The following NOTCH4 variants were observed in gnomAD, a reference collection of about 807,000 sequenced individuals.
NOTCH4 encodes notch receptor 4.
NOTCH4 carries 138 observed loss-of-function variants against 189.0 expected under a neutral mutation model. That is an observed-to-expected ratio of 0.73 (90% CI 0.64 to 0.84). The LOEUF is 0.84. Ranked by LOEUF, NOTCH4 falls within the 40% of genes least tolerant of loss-of-function variation. The pLI, the probability that NOTCH4 is intolerant of heterozygous loss-of-function variation, is 0.00. For missense variants in NOTCH4, 2,286 were observed against 2,605.4 expected, an observed-to-expected ratio of 0.88 and a Z score of 2.67; for synonymous variants, 942 against 1,032.8, an observed-to-expected ratio of 0.91 and a Z score of 1.69.
chr6:32,223,166 C>A, intron 1 of NOTCH4, 80 bp from the exon 2 acceptor site: 2 of 1,049,378 alleles, frequency 1.9e-6, no homozygotes, highest in Non-Finnish European at 3.0e-6. Context: ...TCCTGAGAGA[C>A]CTGCCCACAG....
At position 32,220,121 on chromosome 6, in the gene NOTCH4, G is replaced by A; in HGVS notation, c.1315+8C>T. The A allele has an allele frequency of 1.2e-6, 2 of 1,612,878 alleles. No homozygotes were observed. Among genetic ancestry groups the A allele is most frequent in the Non-Finnish European group, 1.7e-6 (2 of 1,179,742 alleles). ...CTCAGAGAGGCTCTGAAGTGGGAGT[G>A]GCCTCACCCATCAGACACTCGTCCA... On this transcript the variant is annotated splice_region_variant and intron_variant, in intron 7 of 29. Coordinates refer to ENST00000375023, the MANE Select transcript of NOTCH4 (RefSeq NM_004557.4).
At chr6:32,209,951 G>A (rs1788914281) in intron 18 of NOTCH4, among the ~76,000 whole-genome samples, 2 of 151,814 alleles carry the variant, frequency 1.3e-5, no homozygotes, top group African/African-American at 2.4e-5. Context: ...TATGACTACC[G>A]TTTGTCAATA....
intron 5 of NOTCH4, 33 bp downstream of exon 5, chr6:32,220,723 A>G: frequency 6.2e-7 from 1 of 1,613,416 alleles, no homozygotes; most frequent in Non-Finnish European, 8.5e-7. Flanking sequence ...TCTCTGGGCC[A>G]TGGGTGTCAT....
Position 32,215,345 on chromosome 6 carries a change from G to C in NOTCH4, c.1902C>G (p.Cys634Trp). The C allele has an allele frequency of 6.2e-7, 1 of 1,610,754 alleles. No individual in the cohort carries two copies. The highest frequency in any genetic ancestry group is 8.5e-7 in the Non-Finnish European group (1 of 1,179,256). ...GGTCCTTACATATCTGCTTGGGCTG[G>C]CACAGGTTGGGAGCACACAGGGGAA... ...CEVPLCAPNL[C>W]QPKQICKDQK... Residue 634 changes from cysteine (C) to tryptophan (W), a missense_variant, in exon 12 of 30, where the codon TGC becomes TGG. By Grantham distance (215) the Cys-to-Trp change is radical. Transcript: ENST00000375023.
chr6:32,220,099 A>T (rs750977436), intron 7 of NOTCH4, 30 bp downstream of exon 7: 2 of 1,609,080 alleles, frequency 1.2e-6, no homozygotes, highest in East Asian at 2.2e-5. Flanking sequence ...TCTGAGGCTC[A>T]GAGAGGCTCT....
chr6:32,210,687 A>G lies in NOTCH4; in HGVS notation c.2865+65T>C. The G allele has an allele frequency of 6.7e-7, 1 of 1,499,746 alleles. No homozygotes were observed. The highest frequency in any genetic ancestry group is 9.2e-7 in the Non-Finnish European group (1 of 1,082,382). The allele number at this position is 1,499,746 out of a possible 1,614,324, so 92.9% of individuals were successfully genotyped here. A position where few individuals can be genotyped will look rare whatever the true frequency, so the allele number is the denominator to read the frequency against. ...GGATACATTGGGTCTTCCCTCAGTC[A>G]CTACTGTCTCTCCCATCCAGCCCAC... On this transcript the variant is annotated intron_variant, in intron 18 of 29. Transcript: ENST00000375023. This position sits in a 1 kb window ranked among gnomAD's most constrained non-coding sequence, Gnocchi z 4.8.
chr6:32,208,880 T>C (rs1582797476), intron 18 of NOTCH4, among the ~76,000 whole-genome samples: 1 of 152,220 alleles, frequency 6.6e-6, no homozygotes, highest in Non-Finnish European at 1.5e-5. Context: ...AAAATAGATC[T>C]ACCATGTGAT....
intron 7 of NOTCH4, 141 bp downstream of exon 7, chr6:32,219,988 A>G (rs1789647855): frequency 1.0e-6 from 1 of 1,002,538 alleles, no homozygotes; most frequent in Non-Finnish European, 1.5e-6. Context: ...AGGGTCATGT[A>G]GGCAAGAGAT....
intron 17 of NOTCH4, among the ~76,000 whole-genome samples, chr6:32,211,606 T>TAAA (rs1034993603): frequency 1.5e-5 from 2 of 132,004 alleles, no homozygotes; most frequent in African/African-American, 5.9e-5. Flanking sequence ...AATAAATAAA[T>TAAA]AAATAAATAA....
chr6:32,202,137 G>A lies in NOTCH4; in HGVS notation c.3694C>T (p.Gln1232Ter), dbSNP rs1345231909. The stretch of plus-strand genomic sequence containing the variant: ...AACAGACACTCTTCAGAGTCACACT[G>A]TGGGTGGCACTGCCCGTCCCGGAAG... ...LLFRDGQCHP[Q>*]CDSEECLFDG... is the part of the protein sequence containing the mutation. Residue 1232 changes from glutamine to a stop codon, truncating the protein, a stop_gained, in exon 21 of 30, where the codon CAG becomes TAG. Coordinates refer to ENST00000375023, the MANE Select transcript of NOTCH4 (RefSeq NM_004557.4). LOFTEE classifies it high-confidence loss of function. The surrounding 1 kb of genome is among the most constrained non-coding windows in gnomAD (Gnocchi z 5.7). 2 of 1,513,756 alleles carry A rather than the reference G, an allele frequency of 1.3e-6. No individual in the cohort carries two copies. The highest frequency in any genetic ancestry group is 2.3e-5 in the Admixed American group (1 of 44,344). 93.8% of individuals were successfully genotyped at this position (1,513,756 alleles called of 1,614,324 possible). A position where few individuals can be genotyped will look rare whatever the true frequency, so the allele number is the denominator to read the frequency against.
In NOTCH4 at chr6:32,212,652, G is replaced by T. The variant is rs762035628; in HGVS notation, c.2527-25C>A. 6.3e-7 allele frequency: 1 copy of T among 1,593,616 alleles called. No individual in the cohort carries two copies. The highest frequency in any genetic ancestry group is 1.7e-5 in the Admixed American group (1 of 58,252). On this transcript the variant is annotated intron_variant, in intron 16 of 29. Transcript: ENST00000375023. This position sits in a 1 kb window ranked among gnomAD's most constrained non-coding sequence, Gnocchi z 4.4. ...TCTGAGGGGTGGGAGGGAGCGTGAGGCAGGACATAGCATCAGATTCTCAGC... is the reference window on the plus strand; with the variant it reads ...TCTGAGGGGTGGGAGGGAGCGTGAGTCAGGACATAGCATCAGATTCTCAGC...
intron 7 of NOTCH4, 70 bp downstream of exon 7, chr6:32,220,059 G>C: frequency 6.6e-7 from 1 of 1,503,852 alleles, no homozygotes; most frequent in Non-Finnish European, 9.1e-7. Context: ...AAAGCAATCT[G>C]CCCTTTTCTG....
At position 32,221,396 on chromosome 6, in the gene NOTCH4, C is replaced by T; in HGVS notation, c.452-71G>A. ...CTAGCCCATCTGAGGTTACCCAGTGCTCACTCTGGATTATCTCTGGGTCTC... is the reference window on the plus strand; with the variant it reads ...CTAGCCCATCTGAGGTTACCCAGTGTTCACTCTGGATTATCTCTGGGTCTC... On this transcript the variant is annotated intron_variant, in intron 3 of 29. Transcript: ENST00000375023. The surrounding 1 kb of genome is among the most constrained non-coding windows in gnomAD (Gnocchi z 4.3). 1 of 1,120,958 alleles carries T rather than the reference C, an allele frequency of 8.9e-7. No individual in the cohort carries two copies. The highest frequency in any genetic ancestry group is 1.5e-5 in the African/African-American group (1 of 64,688). 69.4% of individuals were successfully genotyped at this position (1,120,958 alleles called of 1,614,324 possible).
At position 32,203,892 on chromosome 6, in the gene NOTCH4, TG is replaced by T. The variant is rs1417137062; in HGVS notation, c.3119-11del. The T allele has an allele frequency of 1.9e-6, 3 of 1,549,464 alleles. No individual in the cohort carries two copies. The highest frequency in any genetic ancestry group is 2.6e-6 in the Non-Finnish European group (3 of 1,145,584). ...ACCTCACACCACTGGCCTGTAATTA[TG>T]GGGGAGATTAGATGTCACACACTGC... is the stretch of plus-strand genomic sequence containing the variant. On this transcript the variant is annotated splice_polypyrimidine_tract_variant and intron_variant, in intron 19 of 29. Transcript: ENST00000375023.
rs2127488916 is a variant in NOTCH4 at position 32,221,102 on chromosome 6, C to T, written c.675G>A (p.Gly225=). The change falls in exon 4 of 30, where the codon GGG becomes GGA. Residue 225 remains glycine, a synonymous_variant. Transcript: ENST00000375023. This position sits in a 1 kb window ranked among gnomAD's most constrained non-coding sequence, Gnocchi z 4.3. ...LGSFQCLCPV[G]QEGPRCELRA... is the part of the protein sequence containing the mutation. ...GCAGCTCACAACGTGGACCCTCCTG[C>T]CCCACAGGGCAGAGGCACTGGAAGG... 1 of 1,613,056 alleles carries T rather than the reference C, an allele frequency of 6.2e-7. No individual in the cohort carries two copies. The highest frequency in any genetic ancestry group is 8.5e-7 in the Non-Finnish European group (1 of 1,180,002).
rs372158970 is a variant in NOTCH4 at position 32,204,845 on chromosome 6, T to A, written c.2866-456A>T. Among the ~76,000 whole-genome samples the A allele has an allele frequency of 3.3e-5, 5 of 152,238 alleles. No homozygotes were observed. In the East Asian group the frequency reaches 5.8e-4, roughly 18 times the overall value. On this transcript the variant is annotated intron_variant, in intron 18 of 29. Transcript: ENST00000375023. The stretch of plus-strand genomic sequence containing the variant: ...AAAGAAATGACTAGCATTTATTGCA[T>A]GATTTATATACATAACCTAAAAATC...
rs371368682 is a variant in NOTCH4 at position 32,201,019 on chromosome 6, C to T, written c.4140-13G>A. Reference sequence around the variant, plus strand: ...GACCACCACAAACCTGTAGAGGAGGCACCTCAGAGACCTCTGTATTGGTCC... The same window carrying T: ...GACCACCACAAACCTGTAGAGGAGGTACCTCAGAGACCTCTGTATTGGTCC... On this transcript the variant is annotated splice_polypyrimidine_tract_variant and intron_variant, in intron 22 of 29. Transcript: ENST00000375023. This position sits in a 1 kb window ranked among gnomAD's most constrained non-coding sequence, Gnocchi z 5.5. 5.1e-6 allele frequency: 8 copies of T among 1,554,888 alleles called. No homozygotes were observed. In the African/African-American group the frequency reaches 1.1e-4, roughly 21 times the overall value.
chr6:32,201,086 G>A lies in NOTCH4; in HGVS notation c.4139+31C>T. The A allele has an allele frequency of 2.5e-6, 4 of 1,586,658 alleles. No individual in the cohort carries two copies. Among genetic ancestry groups the A allele is most frequent in the Non-Finnish European group, 3.4e-6 (4 of 1,166,472 alleles). On this transcript the variant is annotated intron_variant, in intron 22 of 29. Coordinates refer to ENST00000375023, the MANE Select transcript of NOTCH4 (RefSeq NM_004557.4). The surrounding 1 kb of genome is among the most constrained non-coding windows in gnomAD (Gnocchi z 5.5). ...CCTCTGCCCTCTTAAAAAAACTGGT[G>A]TCTGGCCCTTCCCTCCACCTAGCTT...
At chr6:32,223,790 C>T in intron 1 of NOTCH4, 66 bp downstream of exon 1, 1 of 1,526,684 alleles carries the variant, frequency 6.6e-7, no homozygotes, top group East Asian at 2.3e-5. Flanking sequence ...GGCCCTCTTC[C>T]CCCACCCCAC....
Sources: gnomAD v4.1 joint callset for allele counts (sites outside exome capture counted in the v4.1 genomes callset) on GRCh38, gnomAD v4.1.1 for gene constraint, Gnocchi (gnomAD v3.1) non-coding constraint, MANE v1.5 for transcripts, NCBI Gene and HGNC (gene_info 2026-07-23, HGNC 2026-07-21) for gene names.